The following CSNK1G3 variants were observed in gnomAD, a reference collection of about 807,000 sequenced individuals.
CSNK1G3 encodes the protein casein kinase I isoform gamma-3.
Under a neutral mutation model 64.3 loss-of-function variants are expected in CSNK1G3, and 23 were observed. The observed-to-expected ratio is 0.36, with a 90% CI of 0.26 to 0.51. The LOEUF (loss-of-function observed/expected upper bound fraction) is 0.51. Ranked by LOEUF, CSNK1G3 falls within the 20% of genes least tolerant of loss-of-function variation. The pLI is 0.96. For missense variants in CSNK1G3, 357 were observed against 510.5 expected (o/e 0.70, Z 2.90); for synonymous variants, 158 against 162.2 (o/e 0.97, Z 0.20).
Position 123,524,984 on chromosome 5 carries a change from C to T in CSNK1G3, c.-248+12414C>T, listed in dbSNP as rs575018654. ...AGGAGCATGTGAACCTTATAGGTAG[C>T]CATTCTTCTCCACCTCAAGAATAAG... On this transcript the variant is annotated intron_variant, in intron 1 of 12. Coordinates refer to ENST00000345990, the Ensembl canonical transcript of CSNK1G3. Among the ~76,000 whole-genome samples, 16 of 152,244 alleles carry T rather than the reference C, an allele frequency of 1.1e-4. No homozygotes were observed. In the South Asian group the frequency reaches 3.1e-3, roughly 30 times the overall value.
chr5:123,534,676 A>G (rs1780502235), intron 1 of CSNK1G3, among the ~76,000 whole-genome samples: 1 of 152,156 alleles, frequency 6.6e-6, no homozygotes, highest in Non-Finnish European at 1.5e-5. Flanking sequence ...TTCTGCCCAC[A>G]GTCTGAAGGA....
chr5:123,548,579 T>A (rs968696392), intron 2 of CSNK1G3, among the ~76,000 whole-genome samples: 5 of 152,090 alleles, frequency 3.3e-5, no homozygotes, highest in African/African-American at 1.2e-4. Flanking sequence ...TTATCATTTT[T>A]ATCTGGATTC....
At chr5:123,533,789 A>C (rs917640534) in intron 1 of CSNK1G3, among the ~76,000 whole-genome samples, 1 of 150,298 alleles carries the variant, frequency 6.7e-6, no homozygotes, top group Non-Finnish European at 1.5e-5. Context: ...TCTTCATATG[A>C]TCTGCTTCCC....
intron 10 of CSNK1G3, 134 bp downstream of exon 11, chr5:123,595,268 C>A: frequency 2.5e-6 from 2 of 785,234 alleles, no homozygotes; most frequent in Admixed American, 3.3e-5. Flanking sequence ...AATTCTATTC[C>A]TTTGTTATTT....
At chr5:123,575,590 A>G (rs945339095) in intron 5 of CSNK1G3, 139 bp from the exon 6 acceptor site, 3 of 611,392 alleles carry the variant, frequency 4.9e-6, no homozygotes, top group Admixed American at 3.0e-5. Flanking sequence ...ATAGGCTGAC[A>G]TCATTTTACT....
intron 8 of CSNK1G3, among the ~76,000 whole-genome samples, chr5:123,589,364 G>T (rs2150960960): frequency 6.6e-6 from 1 of 152,098 alleles, no homozygotes; most frequent in Middle Eastern, 3.4e-3. Flanking sequence ...TAAAATGTCG[G>T]TTAATAGTAC....
chr5:123,569,193 A>G (rs1392336829), intron 4 of CSNK1G3, among the ~76,000 whole-genome samples: 2 of 152,208 alleles, frequency 1.3e-5, no homozygotes, highest in East Asian at 3.8e-4. Flanking sequence ...CTCCAAAAGC[A>G]AAAGGATAGA....
chr5:123,522,513 A>AG (rs907712629), intron 1 of CSNK1G3, among the ~76,000 whole-genome samples: 2 of 151,608 alleles, frequency 1.3e-5, no homozygotes, highest in African/African-American at 4.9e-5. Context: ...AAAAAAAAAA[A>AG]AGAAAAAAAA....
intron 10 of CSNK1G3, among the ~76,000 whole-genome samples, chr5:123,604,234 G>A (rs548808467): frequency 6.6e-6 from 1 of 152,192 alleles, no homozygotes; most frequent in East Asian, 1.9e-4. Context: ...TGAACAACTG[G>A]GTGAATGAAT....
chr5:123,568,272 G>A (rs1418762633), intron 4 of CSNK1G3, among the ~76,000 whole-genome samples: 1 of 152,116 alleles, frequency 6.6e-6, no homozygotes, highest in Non-Finnish European at 1.5e-5. Flanking sequence ...GATCAGACCA[G>A]CAGCCGAACA....
chr5:123,582,200 AAAAT>A lies in CSNK1G3; in HGVS notation c.674-5861_674-5858del, dbSNP rs557648660. Among the ~76,000 whole-genome samples, 10 of 152,284 alleles carry A rather than the reference AAAAT, an allele frequency of 6.6e-5. No homozygotes were observed. The East Asian group carries it at 1.9e-3, about 29-fold the overall frequency. On this transcript the variant is annotated intron_variant, in intron 6 of 12. Transcript: ENST00000345990. The stretch of plus-strand genomic sequence containing the variant: ...TGAGGAATGAAATCTGATTTAAAGA[AAAAT>A]AAATAATGTTGAGATATAAGAGTAG...
chr5:123,573,457 G>T (rs769084211), exon 5 of CSNK1G3: 2 of 1,613,922 alleles, frequency 1.2e-6, no homozygotes, highest in Non-Finnish European at 1.7e-6. Context: ...TGCTGGAACT[G>T]CTGGGACCTA....
intron 1 of CSNK1G3, among the ~76,000 whole-genome samples, chr5:123,534,136 C>T (rs558641843): frequency 3.7e-4 from 56 of 151,882 alleles, no homozygotes; most frequent in Non-Finnish European, 7.5e-4. Flanking sequence ...CATAAAGTTA[C>T]GTATACTAGA....
chr5:123,572,331 A>G (rs1239170698), intron 4 of CSNK1G3, among the ~76,000 whole-genome samples: 1 of 152,192 alleles, frequency 6.6e-6, no homozygotes, highest in African/African-American at 2.4e-5. Flanking sequence ...GGAGTCTGTT[A>G]GTTCTGAAAA....
At chr5:123,516,528 A>G (rs1247904494) in intron 1 of CSNK1G3, among the ~76,000 whole-genome samples, 2 of 152,060 alleles carry the variant, frequency 1.3e-5, no homozygotes, top group African/African-American at 4.8e-5. Flanking sequence ...GTATGTGTTT[A>G]TTTGTTGTTA....
chr5:123,612,599 T>C (rs1796533269), intron 12 of CSNK1G3, among the ~76,000 whole-genome samples: 1 of 151,674 alleles, frequency 6.6e-6, no homozygotes, highest in African/African-American at 2.4e-5. Context: ...TGCCTCAGCC[T>C]CCTGAGTAGC....
At chr5:123,573,270 T>A in intron 4 of CSNK1G3, 123 bp from the exon 5 acceptor site, 1 of 1,007,170 alleles carries the variant, frequency 9.9e-7, no homozygotes, top group South Asian at 1.5e-5. Flanking sequence ...AGTATGTATC[T>A]GGAAAAAGTG....
At chr5:123,616,433 G>A (rs1472416033) in exon 13 of CSNK1G3, 1 of 152,518 alleles carries the variant, frequency 6.6e-6, no homozygotes, top group Non-Finnish European at 1.5e-5. Context: ...ACATAAGAAG[G>A]TGTGTATATT....
At chr5:123,534,489 G>A (rs1264375139) in intron 1 of CSNK1G3, among the ~76,000 whole-genome samples, 1 of 152,106 alleles carries the variant, frequency 6.6e-6, no homozygotes, top group Non-Finnish European at 1.5e-5. Context: ...TAGAAAATCA[G>A]AGCTAGAGAT....
Sources: gnomAD v4.1 joint callset for allele counts (sites outside exome capture counted in the v4.1 genomes callset) on GRCh38, gnomAD v4.1.1 for gene constraint, MANE v1.5 for transcripts, NCBI Gene and HGNC (gene_info 2026-07-23, HGNC 2026-07-21) for gene names.